The following SINHCAF variants were observed in gnomAD, a reference collection of about 807,000 sequenced individuals.
The protein encoded by SINHCAF is SIN3-HDAC complex-associated factor.
A neutral mutation model predicts 25.8 loss-of-function variants in SINHCAF; 3 were observed. The observed-to-expected ratio is 0.12, with a 90% confidence interval of 0.05 to 0.30. SINHCAF has a LOEUF of 0.30. SINHCAF is among the 10% of genes least tolerant of loss of function. The pLI, the probability that SINHCAF is intolerant of heterozygous loss-of-function variation, is 1.00. For synonymous variants in SINHCAF, 70 were observed against 85.5 expected (o/e 0.82, Z 1.00); for missense variants, 121 against 262.3 (o/e 0.46, Z 3.72).
intron 1 of SINHCAF, among the ~76,000 whole-genome samples, chr12:31,309,664 A>ATTTTTTTTTTTTTT (rs869251301): frequency 2.3e-5 from 3 of 128,740 alleles, no homozygotes; most frequent in South Asian, 2.4e-4. Flanking sequence ...TCAACTTGTG[A>ATTTTTTTTTTTTTT]TTTTTTTTTT....
chr12:31,314,891 T>C (rs541713363), intron 1 of SINHCAF, among the ~76,000 whole-genome samples: 1 of 152,368 alleles, frequency 6.6e-6, no homozygotes, highest in Non-Finnish European at 1.5e-5. Context: ...CCAAGTACTG[T>C]ATATTAACCC....
intron 1 of SINHCAF, among the ~76,000 whole-genome samples, chr12:31,307,448 G>A (rs910728994): frequency 6.6e-6 from 1 of 152,034 alleles, no homozygotes; most frequent in Non-Finnish European, 1.5e-5. Context: ...CCAGCTACTC[G>A]GGAGGCTGAG....
chr12:31,291,775 G>GAA (rs745942006), intron 4 of SINHCAF, among the ~76,000 whole-genome samples: 1 of 125,080 alleles, frequency 8.0e-6, no homozygotes, highest in Non-Finnish European at 1.7e-5. Flanking sequence ...CTCCATCTCA[G>GAA]AAAAAAAAAA....
chr12:31,303,320 T>G, intron 1 of SINHCAF: 7 of 730,626 alleles, frequency 9.6e-6, no homozygotes, highest in Non-Finnish European at 1.2e-5. Flanking sequence ...TTGGGAAGGC[T>G]CATTCCCAGG....
At chr12:31,294,455 A>AG (rs1938466871) in intron 3 of SINHCAF, among the ~76,000 whole-genome samples, 1 of 152,170 alleles carries the variant, frequency 6.6e-6, no homozygotes, top group Non-Finnish European at 1.5e-5. Context: ...CAAGGTCTTC[A>AG]GGCCTATTCT....
chr12:31,308,841 G>A (rs934018667), intron 1 of SINHCAF, among the ~76,000 whole-genome samples: 3 of 151,912 alleles, frequency 2.0e-5, no homozygotes, highest in Non-Finnish European at 4.4e-5. Context: ...GAAAAATATC[G>A]TCAGGGACAG....
At chr12:31,282,892 C>G (rs749265090) in intron 5 of SINHCAF, 21 bp from the exon 6 acceptor site, 2 of 1,559,234 alleles carry the variant, frequency 1.3e-6, no homozygotes, top group South Asian at 1.2e-5. Context: ...AAATGGAGAA[C>G]AAGATACATT....
At chr12:31,315,520 G>A (rs967560478) in intron 1 of SINHCAF, among the ~76,000 whole-genome samples, 2 of 152,222 alleles carry the variant, frequency 1.3e-5, no homozygotes, top group South Asian at 4.1e-4. Context: ...TCTGTCTACA[G>A]TATGCTGTCT....
intron 1 of SINHCAF, among the ~76,000 whole-genome samples, chr12:31,311,238 T>C (rs1399247697): frequency 1.3e-5 from 2 of 152,012 alleles, no homozygotes; most frequent in South Asian, 2.1e-4. Context: ...AGCTGGGGAG[T>C]TGGCTGTGGC....
chr12:31,293,534 AG>A (rs1938422084), intron 4 of SINHCAF, among the ~76,000 whole-genome samples: 1 of 152,214 alleles, frequency 6.6e-6, no homozygotes, highest in Non-Finnish European at 1.5e-5. Flanking sequence ...TGCACCTTCT[AG>A]AAAATTAAGA....
chr12:31,292,753 T>G (rs529654751), intron 4 of SINHCAF, among the ~76,000 whole-genome samples: 53 of 152,326 alleles, frequency 3.5e-4, no homozygotes, highest in Admixed American at 1.5e-3. Context: ...TGTAAAGTGC[T>G]TAGTATACCA....
intron 1 of SINHCAF, chr12:31,302,822 CT>C (rs1938863184): frequency 1.9e-6 from 1 of 528,248 alleles, no homozygotes; most frequent in Non-Finnish European, 2.4e-6. Context: ...TCCATCCTGC[CT>C]TTGTTCTATA....
chr12:31,287,233 T>C (rs1431433477), intron 5 of SINHCAF, among the ~76,000 whole-genome samples: 1 of 152,244 alleles, frequency 6.6e-6, no homozygotes, highest in Non-Finnish European at 1.5e-5. Flanking sequence ...ATTTTTTAAA[T>C]GTCTGCTTTA....
intron 1 of SINHCAF, among the ~76,000 whole-genome samples, chr12:31,313,009 T>C (rs1302529621): frequency 6.6e-6 from 1 of 152,180 alleles, no homozygotes; most frequent in Non-Finnish European, 1.5e-5. Context: ...CCCAGCACCA[T>C]TTAATGAAAA....
intron 5 of SINHCAF, among the ~76,000 whole-genome samples, chr12:31,283,312 A>G (rs904395632): frequency 1.8e-4 from 27 of 152,118 alleles, no homozygotes; most frequent in Non-Finnish European, 3.1e-4. Context: ...AGATAAAAAT[A>G]CATGTGTGGG....
At chr12:31,303,826 C>G (rs562643483) in intron 1 of SINHCAF, 41 of 152,306 alleles carry the variant, frequency 2.7e-4, no homozygotes, top group African/African-American at 9.6e-4. Context: ...AGGGGTTGAA[C>G]TGCAGACTGG....
rs537846969 is a variant in SINHCAF, at chr12:31,281,292, A to C, written c.*1420T>G. 7 of 152,342 alleles carry C rather than the reference A, an allele frequency of 4.6e-5. No homozygotes were observed. The East Asian group carries it at 1.2e-3, about 25-fold the overall frequency. The allele number at this position is 152,342 out of a possible 1,614,324, so 9.4% of individuals were successfully genotyped here. A position where few individuals can be genotyped will look rare whatever the true frequency, so the allele number is the denominator to read the frequency against. ...AGGATTGAAGAGCTCTAAGTTCAGG[A>C]TATCTCAATGTTCAGAAAGCCTGAC... On this transcript the variant is annotated 3_prime_UTR_variant, in exon 6 of 6. Transcript: ENST00000337682.
rs183308942 is a variant in SINHCAF, at chr12:31,321,935, G to A, written c.-21+4089C>T. 1.5e-3 allele frequency among the ~76,000 whole-genome samples: 228 copies of A among 151,976 alleles called. 1 individual carries two copies. Among genetic ancestry groups the A allele is most frequent in the Non-Finnish European group, 2.5e-3 (169 of 67,980 alleles). On this transcript the variant is annotated intron_variant, in intron 1 of 5. Transcript: ENST00000337682. ...TAAATTGCTTCTCTGACATAAATAT[G>A]TCTGAGTTTGAGCCCTATGAGTCAG...
chr12:31,296,855 C>G, intron 2 of SINHCAF: 1 of 295,266 alleles, frequency 3.4e-6, no homozygotes, highest in Non-Finnish European at 6.8e-6. Flanking sequence ...GACTCTGTCT[C>G]AAACAAACCA....
Sources: gnomAD v4.1 joint callset for allele counts (sites outside exome capture counted in the v4.1 genomes callset) on GRCh38, gnomAD v4.1.1 for gene constraint, MANE v1.5 for transcripts, NCBI Gene and HGNC (gene_info 2026-07-23, HGNC 2026-07-21) for gene names.